Variants in SYNDIG1 observed in about 807,000 individuals in gnomAD.
SYNDIG1 encodes synapse differentiation inducing 1.
A neutral mutation model predicts 19.4 loss-of-function variants in SYNDIG1; 9 were observed. The observed-to-expected ratio is 0.46, with a 90% confidence interval of 0.28 to 0.81. SYNDIG1 has a LOEUF of 0.81. Ranked by LOEUF, SYNDIG1 falls within the 30% of genes least tolerant of loss-of-function variation. The probability of loss-of-function intolerance (pLI) is 0.12; values close to 1 mark genes in which losing one functional copy is unlikely to be tolerated. For synonymous variants in SYNDIG1, 141 were observed against 145.9 expected (o/e 0.97, Z 0.24); for missense variants, 311 against 343.3 (o/e 0.91, Z 0.74).
At chr20:24,542,692 C>T (rs767588243) in intron 1 of SYNDIG1, among the ~76,000 whole-genome samples, 22 of 150,072 alleles carry the variant, frequency 1.5e-4, no homozygotes, top group African/African-American at 2.2e-4. Flanking sequence ...GATGCTAATG[C>T]GATTGGGTTT....
chr20:24,654,654 A>G (rs372654396), intron 3 of SYNDIG1, among the ~76,000 whole-genome samples: 83 of 76,154 alleles, frequency 1.1e-3, no homozygotes, highest in Non-Finnish European at 1.5e-3. Flanking sequence ...GGGAGGGAGG[A>G]AGGAAGGAAG....
intron 1 of SYNDIG1, among the ~76,000 whole-genome samples, chr20:24,538,694 C>CTTG (rs1237618541): frequency 2.2e-4 from 33 of 152,052 alleles, no homozygotes; most frequent in African/African-American, 8.0e-4. Flanking sequence ...TCCAAAGCGA[C>CTTG]TGCACTGTTT....
chr20:24,474,772 C>T (rs1600370457), intron 1 of SYNDIG1, among the ~76,000 whole-genome samples: 1 of 152,340 alleles, frequency 6.6e-6, no homozygotes, highest in East Asian at 1.9e-4. Context: ...AGGTCTCCAA[C>T]AAGTTCAGTT....
intron 1 of SYNDIG1, among the ~76,000 whole-genome samples, chr20:24,533,405 G>A (rs1329966237): frequency 1.3e-5 from 2 of 152,090 alleles, no homozygotes; most frequent in South Asian, 2.1e-4. Context: ...ACAGAGCTGT[G>A]GGTTTACAGA....
At chr20:24,557,084 C>G (rs1332071212) in intron 2 of SYNDIG1, among the ~76,000 whole-genome samples, 2 of 152,180 alleles carry the variant, frequency 1.3e-5, no homozygotes, top group African/African-American at 4.8e-5. Context: ...ACCCTTTCTT[C>G]CACTTGATCG....
intron 1 of SYNDIG1, among the ~76,000 whole-genome samples, chr20:24,500,502 C>A (rs1195694984): frequency 7.0e-6 from 1 of 142,604 alleles, no homozygotes; most frequent in Non-Finnish European, 1.5e-5. Context: ...TTCTTTCTTT[C>A]TTTCTTTCTT....
chr20:24,518,065 C>G (rs2056925045), intron 1 of SYNDIG1, among the ~76,000 whole-genome samples: 1 of 151,856 alleles, frequency 6.6e-6, no homozygotes. Flanking sequence ...CTCAGCTTCC[C>G]AAAGTGCTGT....
chr20:24,626,700 G>A (rs34833930), intron 3 of SYNDIG1, among the ~76,000 whole-genome samples: 1 of 151,230 alleles, frequency 6.6e-6, no homozygotes, highest in South Asian at 2.1e-4. Context: ...CTGCAATCTC[G>A]GCACTTTGGG....
At chr20:24,618,909 G>T (rs1233267481) in intron 3 of SYNDIG1, among the ~76,000 whole-genome samples, 1 of 152,070 alleles carries the variant, frequency 6.6e-6, no homozygotes, top group Non-Finnish European at 1.5e-5. Context: ...GGGCATTAGG[G>T]CTTGTATTTC....
At chr20:24,555,321 T>C (rs200902811) in intron 2 of SYNDIG1, among the ~76,000 whole-genome samples, 41,357 of 151,982 alleles carry the variant, frequency 0.27, 6,186 homozygotes, top group East Asian at 0.58. Context: ...CTGCTCTGAT[T>C]TTAGTTATTT....
At chr20:24,550,887 CTTT>C (rs1422531296) in intron 2 of SYNDIG1, among the ~76,000 whole-genome samples, 1 of 152,168 alleles carries the variant, frequency 6.6e-6, no homozygotes, top group Admixed American at 6.5e-5. Flanking sequence ...TTATAATCCT[CTTT>C]AAGTGTCACT....
intron 1 of SYNDIG1, among the ~76,000 whole-genome samples, chr20:24,493,583 T>C (rs568892758): frequency 6.6e-6 from 1 of 152,342 alleles, no homozygotes; most frequent in African/African-American, 2.4e-5. Flanking sequence ...TAAATATCCT[T>C]GAAGGTTTTG....
At chr20:24,507,158 A>C (rs2056613525) in intron 1 of SYNDIG1, among the ~76,000 whole-genome samples, 1 of 152,104 alleles carries the variant, frequency 6.6e-6, no homozygotes, top group Non-Finnish European at 1.5e-5. Context: ...TCCACCTCTG[A>C]GTTACTGGTG....
At chr20:24,521,143 A>C (rs2056993823) in intron 1 of SYNDIG1, among the ~76,000 whole-genome samples, 1 of 152,106 alleles carries the variant, frequency 6.6e-6, no homozygotes, top group African/African-American at 2.4e-5. Flanking sequence ...CACTGAGGAA[A>C]ATTTGCTTCA....
intron 3 of SYNDIG1, among the ~76,000 whole-genome samples, chr20:24,587,286 A>G (rs1444023844): frequency 1.3e-5 from 2 of 152,180 alleles, no homozygotes; most frequent in Admixed American, 6.5e-5. Flanking sequence ...TGGTAAAACT[A>G]CAACAGAGAA....
intron 3 of SYNDIG1, among the ~76,000 whole-genome samples, chr20:24,597,690 A>C (rs1418296906): frequency 6.6e-6 from 1 of 152,104 alleles, no homozygotes; most frequent in Non-Finnish European, 1.5e-5. Context: ...CCTTATTTAG[A>C]AGTGTGATTC....
intron 2 of SYNDIG1, among the ~76,000 whole-genome samples, chr20:24,549,612 A>C (rs1411866224): frequency 6.6e-6 from 1 of 152,118 alleles, no homozygotes; most frequent in East Asian, 1.9e-4. Context: ...CTGCAACCCC[A>C]CTGTTACAAA....
intron 1 of SYNDIG1, among the ~76,000 whole-genome samples, chr20:24,479,077 A>G (rs1005868696): frequency 4.6e-5 from 7 of 152,182 alleles, no homozygotes; most frequent in Non-Finnish European, 4.4e-5. Context: ...ACAGAAATAT[A>G]TATTTGGTGA....
intron 3 of SYNDIG1, among the ~76,000 whole-genome samples, chr20:24,610,929 A>G (rs2058837130): frequency 6.6e-6 from 1 of 152,184 alleles, no homozygotes; most frequent in Non-Finnish European, 1.5e-5. Context: ...CTGCAATGAC[A>G]GGAAATGAGT....
Sources: gnomAD v4.1 joint callset for allele counts (sites outside exome capture counted in the v4.1 genomes callset) on GRCh38, gnomAD v4.1.1 for gene constraint, MANE v1.5 for transcripts, NCBI Gene and HGNC (gene_info 2026-07-23, HGNC 2026-07-21) for gene names.